Variants in CDH13 observed in about 807,000 individuals in gnomAD.
CDH13 encodes cadherin-13.
Under a neutral mutation model 63.8 loss-of-function variants are expected in CDH13, and 24 were observed. The observed-to-expected ratio is 0.38, with a 90% CI of 0.27 to 0.53. The LOEUF (loss-of-function observed/expected upper bound fraction) is 0.53, where lower values mean the gene tolerates loss of function less well. Among genes scored for constraint, CDH13 ranks in the 20% least tolerant of loss-of-function variants. The pLI is 0.85. For synonymous variants in CDH13, 503 were observed against 355.3 expected (o/e 1.42, Z -4.67); for missense variants, 1,049 against 903.1 (o/e 1.16, Z -2.07).
At chr16:83,622,095 A>G (rs1909869538) in intron 8 of CDH13, among the ~76,000 whole-genome samples, 1 of 152,224 alleles carries the variant, frequency 6.6e-6, no homozygotes, top group Admixed American at 6.5e-5. Flanking sequence ...AATTATTATC[A>G]AGTGCTTATC....
chr16:83,156,385 C>G (rs145422001), intron 4 of CDH13, among the ~76,000 whole-genome samples: 6 of 152,230 alleles, frequency 3.9e-5, no homozygotes, highest in African/African-American at 1.4e-4. Context: ...ATTTTCCTTT[C>G]AAGAGTCTAA....
chr16:83,546,869 A>G (rs1037526366), intron 7 of CDH13, among the ~76,000 whole-genome samples: 1 of 152,238 alleles, frequency 6.6e-6, no homozygotes, highest in Non-Finnish European at 1.5e-5. Context: ...TTCAAGTGCC[A>G]GTCTCTTTGC....
chr16:83,421,233 GA>G (rs1348125907), intron 6 of CDH13, among the ~76,000 whole-genome samples: 1 of 152,152 alleles, frequency 6.6e-6, no homozygotes, highest in Non-Finnish European at 1.5e-5. Context: ...TTAGTGAGGT[GA>G]AGAGAAGAAT....
intron 2 of CDH13, among the ~76,000 whole-genome samples, chr16:82,883,269 A>C (rs1007789158): frequency 2.6e-5 from 4 of 152,228 alleles, no homozygotes; most frequent in African/African-American, 9.6e-5. Flanking sequence ...TTGTATGTGA[A>C]ATGCTTTCTA....
chr16:83,328,133 A>AAAAAG lies in CDH13; in HGVS notation c.637-16725_637-16724insGAAAA, dbSNP rs560936495. ...AGGAGACAGTATTGTCAAAAAAAAA[A>AAAAAG]AAAAAGAAAAAGAAAAAAAATTGAG... On this transcript the variant is annotated intron_variant, in intron 5 of 13. Transcript: ENST00000567109. Among the ~76,000 whole-genome samples the AAAAAG allele has an allele frequency of 1.4e-3, 202 of 143,616 alleles. 3 individuals carry two copies. In the East Asian group the frequency reaches 0.023, roughly 17 times the overall value. The allele number at this position is 143,616 out of a possible 152,430, so 94.2% of individuals were successfully genotyped here. A position where few individuals can be genotyped will look rare whatever the true frequency, so the allele number is the denominator to read the frequency against.
At chr16:82,995,250 G>A (rs765712441) in intron 2 of CDH13, among the ~76,000 whole-genome samples, 19 of 152,132 alleles carry the variant, frequency 1.2e-4, no homozygotes, top group African/African-American at 2.7e-4. Flanking sequence ...GTCATCCTCC[G>A]TTTTGCAACA....
intron 10 of CDH13, among the ~76,000 whole-genome samples, chr16:83,708,752 C>T (rs1221507810): frequency 5.3e-5 from 8 of 152,170 alleles, no homozygotes; most frequent in East Asian, 3.9e-4. Context: ...GGGCCAAGCG[C>T]GGTGGCTCAT....
At chr16:83,462,140 C>T (rs1740182960) in intron 6 of CDH13, among the ~76,000 whole-genome samples, 1 of 152,244 alleles carries the variant, frequency 6.6e-6, no homozygotes, top group Non-Finnish European at 1.5e-5. Flanking sequence ...CAGCTGTGCT[C>T]TGTCACTTCT....
chr16:83,769,476 A>G (rs1023275458), intron 11 of CDH13, among the ~76,000 whole-genome samples: 1 of 152,198 alleles, frequency 6.6e-6, no homozygotes, highest in African/African-American at 2.4e-5. Flanking sequence ...GCTTGGAAAG[A>G]CACAAAGTGT....
At chr16:83,289,203 G>C (rs1336421908) in intron 5 of CDH13, among the ~76,000 whole-genome samples, 3 of 152,192 alleles carry the variant, frequency 2.0e-5, no homozygotes, top group Admixed American at 6.5e-5. Context: ...CGTGAACTTG[G>C]TTGTCAGGAA....
At chr16:83,430,393 A>T (rs755390048) in intron 6 of CDH13, among the ~76,000 whole-genome samples, 3 of 152,252 alleles carry the variant, frequency 2.0e-5, no homozygotes, top group Non-Finnish European at 2.9e-5. Flanking sequence ...GAAAATGAAT[A>T]AATGAAAAAC....
rs536803147 is a variant in CDH13 at position 82,713,277 on chromosome 16, G to A, written c.45+86140G>A. Among the ~76,000 whole-genome samples the A allele has an allele frequency of 7.9e-5, 12 of 152,234 alleles. No individual in the cohort carries two copies. The South Asian group carries it at 2.5e-3, about 32-fold the overall frequency. ...GTATGAGGTCCAAGGATCTGCAACT[G>A]GAACATGCTCTCCAGGCAATTCTAT... On this transcript the variant is annotated intron_variant, in intron 1 of 13. Coordinates refer to ENST00000567109, the MANE Select transcript of CDH13 (RefSeq NM_001257.5).
At chr16:82,850,877 C>A (rs925608778) in intron 1 of CDH13, among the ~76,000 whole-genome samples, 22 of 152,254 alleles carry the variant, frequency 1.4e-4, no homozygotes, top group African/African-American at 4.6e-4. Flanking sequence ...AAGGTATGTA[C>A]ATTGTTTTTA....
intron 10 of CDH13, among the ~76,000 whole-genome samples, chr16:83,747,273 C>T (rs1333462520): frequency 6.6e-6 from 1 of 152,134 alleles, no homozygotes; most frequent in East Asian, 1.9e-4. Context: ...GGGAGGGACC[C>T]TGTGGGAGGT....
chr16:83,357,987 G>T (rs771853891), intron 6 of CDH13, among the ~76,000 whole-genome samples: 1 of 152,184 alleles, frequency 6.6e-6, no homozygotes, highest in Non-Finnish European at 1.5e-5. Context: ...CAGCAGGCTA[G>T]AGGCGGATGC....
intron 4 of CDH13, among the ~76,000 whole-genome samples, chr16:83,214,979 C>T (rs929271899): frequency 6.7e-6 from 1 of 149,976 alleles, no homozygotes; most frequent in Non-Finnish European, 1.5e-5. Context: ...GGCTTCCAGG[C>T]AGCAAGTAGA....
chr16:82,940,709 C>A (rs1485904452), intron 2 of CDH13, among the ~76,000 whole-genome samples: 1 of 152,084 alleles, frequency 6.6e-6, no homozygotes, highest in African/African-American at 2.4e-5. Flanking sequence ...ACTTGATTAC[C>A]AATCAGTGCT....
intron 2 of CDH13, among the ~76,000 whole-genome samples, chr16:82,897,947 C>T (rs2041325605): frequency 1.3e-5 from 2 of 152,184 alleles, no homozygotes; most frequent in Non-Finnish European, 2.9e-5. Flanking sequence ...ATCTTTATGC[C>T]TCTGATGCTT....
At chr16:83,084,103 G>T (rs2033431553) in intron 3 of CDH13, among the ~76,000 whole-genome samples, 1 of 152,180 alleles carries the variant, frequency 6.6e-6, no homozygotes, top group Non-Finnish European at 1.5e-5. Context: ...CCAATTTTCA[G>T]AAGTCAATTT....
Sources: allele counts gnomAD v4.1 joint callset (sites outside exome capture counted in the v4.1 genomes callset), GRCh38; gene constraint gnomAD v4.1.1; transcripts MANE v1.5; gene names NCBI Gene and HGNC (gene_info 2026-07-23, HGNC 2026-07-21).